SLC9C2: variants seen among roughly 807,000 people sequenced by gnomAD.
SLC9C2 encodes the protein sodium/hydrogen exchanger 11.
In SLC9C2, 75 loss-of-function variants were observed where a neutral mutation model predicts 140.2. That is an observed-to-expected ratio of 0.53 (90% CI 0.44 to 0.65). The LOEUF is 0.65. Ranked by LOEUF, SLC9C2 falls within the 30% of genes least tolerant of loss-of-function variation. SLC9C2 has a pLI of 0.00. For missense variants in SLC9C2, 1,074 were observed against 1,331.8 expected, an observed-to-expected ratio of 0.81 and a Z score of 3.01; for synonymous variants, 375 against 420.9, an observed-to-expected ratio of 0.89 and a Z score of 1.34.
At chr1:173,507,144 G>A (rs1378335406) in intron 24 of SLC9C2, 103 bp from the exon 25 acceptor site, 2 of 911,726 alleles carry the variant, frequency 2.2e-6, no homozygotes, top group Non-Finnish European at 1.6e-6. Flanking sequence ...GAGGGTGTCA[G>A]AAGGTACACA....
intron 13 of SLC9C2, among the ~76,000 whole-genome samples, chr1:173,547,076 G>A (rs975794918): frequency 4.0e-5 from 6 of 151,820 alleles, no homozygotes; most frequent in Non-Finnish European, 8.8e-5. Flanking sequence ...GTTTTAAAAA[G>A]AAACTAAAAA....
At chr1:173,528,571 C>T (rs573471229) in intron 18 of SLC9C2, among the ~76,000 whole-genome samples, 6 of 152,230 alleles carry the variant, frequency 3.9e-5, no homozygotes, top group African/African-American at 1.4e-4. Flanking sequence ...ATGTTCAATC[C>T]AATAAAGGTA....
intron 14 of SLC9C2, among the ~76,000 whole-genome samples, chr1:173,536,301 AAG>A (rs1334510434): frequency 1.3e-5 from 2 of 152,192 alleles, no homozygotes; most frequent in African/African-American, 4.8e-5. Flanking sequence ...GGGACTGGTA[AAG>A]ATCTTCCAAA....
At chr1:173,556,956 A>G (rs996180296) in intron 10 of SLC9C2, among the ~76,000 whole-genome samples, 2 of 151,928 alleles carry the variant, frequency 1.3e-5, no homozygotes, top group African/African-American at 4.8e-5. Context: ...AAAAGAAAAG[A>G]AAATAGCATG....
chr1:173,594,995 G>A lies in SLC9C2; in HGVS notation c.357+2909C>T, dbSNP rs142839166. On this transcript the variant is annotated intron_variant, in intron 4 of 27. Coordinates refer to ENST00000367714, the MANE Select transcript of SLC9C2 (RefSeq NM_178527.4). The stretch of plus-strand genomic sequence containing the variant: ...GCTCACTGCAACCTCTGTCTCCCAG[G>A]TTCAAGTGATGCTGCTGCCTCAGCC... Among the ~76,000 whole-genome samples the A allele has an allele frequency of 1.4e-4, 21 of 152,292 alleles. No homozygotes were observed. The East Asian group carries it at 3.7e-3, about 27-fold the overall frequency.
chr1:173,524,702 A>G lies in SLC9C2; in HGVS notation c.2514+77T>C, dbSNP rs773237408. 7.4e-5 allele frequency: 112 copies of G among 1,506,568 alleles called. 1 individual carries two copies. The highest frequency in any genetic ancestry group is 2.1e-4 in the African/African-American group (15 of 71,610). The allele number at this position is 1,506,568 out of a possible 1,614,324, so 93.3% of individuals were successfully genotyped here. On this transcript the variant is annotated intron_variant, in intron 20 of 27. Transcript: ENST00000367714. ...CACCTGTGGTTAAACAATTTTTTCAATCTCCCTCCTTATTACACACTGCTA... is the reference window on the plus strand; with the variant it reads ...CACCTGTGGTTAAACAATTTTTTCAGTCTCCCTCCTTATTACACACTGCTA...
At chr1:173,599,861 C>A (rs1222867146) in intron 3 of SLC9C2, among the ~76,000 whole-genome samples, 1 of 152,160 alleles carries the variant, frequency 6.6e-6, no homozygotes, top group African/African-American at 2.4e-5. Context: ...ACCTCAGCCT[C>A]GCAAAGTGCT....
At chr1:173,512,051 G>A (rs1571433776) in intron 23 of SLC9C2, among the ~76,000 whole-genome samples, 2 of 152,306 alleles carry the variant, frequency 1.3e-5, no homozygotes, top group East Asian at 3.9e-4. Context: ...TTTGGTTACT[G>A]TAGCCTTGTG....
intron 7 of SLC9C2, among the ~76,000 whole-genome samples, chr1:173,581,596 T>A (rs780605932): frequency 1.3e-5 from 2 of 151,624 alleles, no homozygotes; most frequent in Non-Finnish European, 2.9e-5. Flanking sequence ...ATATACAAAG[T>A]CAAATGAAGA....
chr1:173,545,564 G>A (rs1037154377), intron 13 of SLC9C2, among the ~76,000 whole-genome samples: 3 of 152,088 alleles, frequency 2.0e-5, no homozygotes, highest in African/African-American at 7.2e-5. Context: ...TTTCTTTTTA[G>A]TTCACAGGTA....
chr1:173,592,408 G>A lies in SLC9C2; in HGVS notation c.358-4578C>T, dbSNP rs117458110. 1.6e-4 allele frequency among the ~76,000 whole-genome samples: 25 copies of A among 152,178 alleles called. No individual in the cohort carries two copies. In the East Asian group the frequency reaches 3.7e-3, roughly 22 times the overall value. On this transcript the variant is annotated intron_variant, in intron 4 of 27. Coordinates refer to ENST00000367714, the MANE Select transcript of SLC9C2 (RefSeq NM_178527.4). ...TTCTAGTTCTGTGAAGAACATCTTC[G>A]GCAGTTTGATAGAAATAGCACTGAA... is the stretch of plus-strand genomic sequence containing the variant.
chr1:173,513,646 G>C (rs1044744794), intron 23 of SLC9C2, among the ~76,000 whole-genome samples: 1 of 151,782 alleles, frequency 6.6e-6, no homozygotes, highest in African/African-American at 2.4e-5. Flanking sequence ...TTGTGTCTCT[G>C]TCTCCTTCAT....
chr1:173,552,590 G>A (rs1195934127), intron 11 of SLC9C2, among the ~76,000 whole-genome samples: 1 of 151,922 alleles, frequency 6.6e-6, no homozygotes, highest in African/African-American at 2.4e-5. Context: ...TCTGTCTGAG[G>A]TCTAAAAAAT....
intron 11 of SLC9C2, among the ~76,000 whole-genome samples, chr1:173,553,190 G>A (rs184582806): frequency 3.5e-4 from 53 of 152,342 alleles, no homozygotes; most frequent in Non-Finnish European, 6.5e-4. Flanking sequence ...AACTTGCATG[G>A]ATGAGGAGTT....
At chr1:173,556,487 T>C (rs1490115401) in intron 10 of SLC9C2, among the ~76,000 whole-genome samples, 2 of 152,232 alleles carry the variant, frequency 1.3e-5, no homozygotes, top group African/African-American at 4.8e-5. Flanking sequence ...AGATCTTTAA[T>C]GTAAAAATAT....
At chr1:173,583,645 T>G in intron 5 of SLC9C2, 23 bp from the exon 6 acceptor site, 1 of 1,135,212 alleles carries the variant, frequency 8.8e-7, no homozygotes, top group South Asian at 1.5e-5. Context: ...ATACAAAATG[T>G]AACTCAATAT....
chr1:173,594,647 G>T (rs1666347291), intron 4 of SLC9C2, among the ~76,000 whole-genome samples: 1 of 152,110 alleles, frequency 6.6e-6, no homozygotes, highest in Non-Finnish European at 1.5e-5. Context: ...AGGGATGGTA[G>T]TATTATGTCA....
Position 173,557,435 on chromosome 1 carries a change from C to G in SLC9C2, c.1120G>C (p.Val374Leu). 1 of 1,613,876 alleles carries G rather than the reference C, an allele frequency of 6.2e-7. No individual in the cohort carries two copies. The highest frequency in any genetic ancestry group is 8.5e-7 in the Non-Finnish European group (1 of 1,179,864). Residue 374 changes from valine to leucine, a missense_variant, in exon 10 of 28, where the codon GTA (valine) becomes CTA (leucine). Transcript: ENST00000367714. ...CCTTTAATTCCAGACCACGTGATTA[C>G]AACTCCCCATCGCCAATTATATTCA... ...NYEYNWRWGV[V>L]ITWSGIKGVF...
chr1:173,580,155 C>G (rs1447383286), intron 7 of SLC9C2, among the ~76,000 whole-genome samples: 1 of 92,564 alleles, frequency 1.1e-5, no homozygotes, highest in Non-Finnish European at 2.1e-5. Context: ...GCAGTGTCTT[C>G]CAATTTCTAT....
Sources: gnomAD v4.1 joint callset for allele counts (sites outside exome capture counted in the v4.1 genomes callset) on GRCh38, gnomAD v4.1.1 for gene constraint, MANE v1.5 for transcripts, NCBI Gene and HGNC (gene_info 2026-07-23, HGNC 2026-07-21) for gene names.